The following ADA2 variants were observed in gnomAD, a reference collection of about 807,000 sequenced individuals.
ADA2 encodes adenosine deaminase CECR1.
Under a neutral mutation model 44.2 loss-of-function variants are expected in ADA2, and 29 were observed. The observed-to-expected ratio is 0.66, with a 90% CI of 0.49 to 0.89. The LOEUF (loss-of-function observed/expected upper bound fraction) is 0.89, where lower values mean the gene tolerates loss of function less well. ADA2 is among the 40% of genes least tolerant of loss of function. ADA2 has a pLI of 0.00. For missense variants in ADA2, 637 were observed against 644.8 expected, an observed-to-expected ratio of 0.99 and a Z score of 0.13; for synonymous variants, 215 against 234.9, an observed-to-expected ratio of 0.92 and a Z score of 0.77.
rs111261757 is a variant in ADA2 at position 17,182,978 on chromosome 22, T to C, written c.1082-217A>G. ...TGATATGGCTTTATTAAATTAATCA[T>C]CTAATTTATTAATTTATCATTCTAA... On this transcript the variant is annotated intron_variant, in intron 7 of 9. Coordinates refer to ENST00000399837, the MANE Select transcript of ADA2 (RefSeq NM_001282225.2). Among the ~76,000 whole-genome samples, 313 of 152,350 alleles carry C rather than the reference T, an allele frequency of 2.1e-3. 3 individuals are homozygous for C. The highest frequency in any genetic ancestry group is 7.2e-3 in the African/African-American group (298 of 41,576).
rs192542909 is a variant in ADA2 at position 17,186,126 on chromosome 22, C to T, written c.1081+2213G>A. ...GGGCAGGGCAGGGTTTCCTCTCCTA[C>T]GATAATGCGGGACAGAACATCCTAA... On this transcript the variant is annotated intron_variant, in intron 7 of 9. Coordinates refer to ENST00000399837, the MANE Select transcript of ADA2 (RefSeq NM_001282225.2). 2.1e-3 allele frequency among the ~76,000 whole-genome samples: 313 copies of T among 152,278 alleles called. 2 individuals are homozygous for T. The highest frequency in any genetic ancestry group is 7.2e-3 in the African/African-American group (298 of 41,558).
intron 1 of ADA2, among the ~76,000 whole-genome samples, chr22:17,215,920 C>A (rs546643420): frequency 1.3e-5 from 2 of 151,978 alleles, no homozygotes; most frequent in East Asian, 1.9e-4. Context: ...GGCAACAAAG[C>A]GAGACCCCCA....
At chr22:17,205,864 T>C (rs536781985) in intron 3 of ADA2, among the ~76,000 whole-genome samples, 1 of 143,558 alleles carries the variant, frequency 7.0e-6, no homozygotes, top group Admixed American at 6.7e-5. Flanking sequence ...TCTAGTGTGC[T>C]GACACAGGAG....
intron 4 of ADA2, among the ~76,000 whole-genome samples, chr22:17,196,965 G>A (rs1266073243): frequency 2.0e-5 from 3 of 152,212 alleles, no homozygotes; most frequent in Non-Finnish European, 4.4e-5. Flanking sequence ...CTGAGGTCAG[G>A]AGTTCAAGAG....
intron 4 of ADA2, among the ~76,000 whole-genome samples, chr22:17,194,283 C>G (rs3788276): frequency 0.066 from 10,080 of 152,208 alleles, 416 homozygotes; most frequent in South Asian, 0.11. Context: ...GCTCTTGCCT[C>G]TGTGGCATCT....
intron 4 of ADA2, among the ~76,000 whole-genome samples, chr22:17,201,982 T>C (rs2062293965): frequency 6.9e-6 from 1 of 144,910 alleles, no homozygotes; most frequent in African/African-American, 2.6e-5. Flanking sequence ...TTTTTTTTTT[T>C]TTTTTTTGAG....
At chr22:17,183,454 C>CTATT (rs1568967612) in intron 7 of ADA2, among the ~76,000 whole-genome samples, 5 of 76,138 alleles carry the variant, frequency 6.6e-5, no homozygotes, top group South Asian at 4.3e-4. Flanking sequence ...TTTTGTGGCA[C>CTATT]TCTTTTTTTT....
chr22:17,201,482 C>T (rs1262733338), intron 4 of ADA2, among the ~76,000 whole-genome samples: 3 of 152,308 alleles, frequency 2.0e-5, no homozygotes, highest in Non-Finnish European at 1.5e-5. Flanking sequence ...GTCCCCAAGG[C>T]ATTTGTGTAT....
At chr22:17,214,948 A>T (rs2062454823) in intron 1 of ADA2, among the ~76,000 whole-genome samples, 2 of 152,152 alleles carry the variant, frequency 1.3e-5, no homozygotes, top group Non-Finnish European at 2.9e-5. Flanking sequence ...GACACATCAC[A>T]CGGAGCCTGT....
intron 3 of ADA2, among the ~76,000 whole-genome samples, chr22:17,205,316 G>A (rs558815699): frequency 6.6e-6 from 1 of 152,114 alleles, no homozygotes; most frequent in Admixed American, 6.6e-5. Context: ...CACCACACCC[G>A]GCCACCAGGC....
Position 17,182,027 on chromosome 22 carries a change from G to T in ADA2, c.1240-5C>A. The T allele has an allele frequency of 1.9e-6, 3 of 1,610,058 alleles. No homozygotes were observed. Among genetic ancestry groups the T allele is most frequent in the Non-Finnish European group, 1.7e-6 (2 of 1,177,096 alleles). ...GTCAGACACCAGTTTCAGCACCTGCGCAATAGGAGGGAAGGGAGAAAGATG... is the reference window on the plus strand; with the variant it reads ...GTCAGACACCAGTTTCAGCACCTGCTCAATAGGAGGGAAGGGAGAAAGATG... On this transcript the variant is annotated splice_polypyrimidine_tract_variant and splice_region_variant and intron_variant, in intron 8 of 9. Transcript: ENST00000399837.
intron 1 of ADA2, among the ~76,000 whole-genome samples, chr22:17,210,106 G>T (rs1175669455): frequency 2.0e-5 from 3 of 151,798 alleles, no homozygotes; most frequent in African/African-American, 7.3e-5. Flanking sequence ...TAGACAGGAT[G>T]GTCACGATCT....
chr22:17,215,542 G>C (rs1030613229), intron 1 of ADA2, among the ~76,000 whole-genome samples: 42 of 151,356 alleles, frequency 2.8e-4, no homozygotes, highest in African/African-American at 9.0e-4. Context: ...GGAGGCGGAG[G>C]TTGCAGTGAG....
chr22:17,188,868 A>AAAAAAAAAATATATATATATATATATAT, intron 6 of ADA2: 6 of 81,182 alleles, frequency 7.4e-5, no homozygotes, highest in Non-Finnish European at 1.1e-4. Context: ...AAGAGCAAAA[A>AAAAAAAAAATATATATATATATATATAT]ATATATATAT....
At chr22:17,188,701 A>G in intron 6 of ADA2, 1 of 256,384 alleles carries the variant, frequency 3.9e-6, no homozygotes. Flanking sequence ...AACACAGTGA[A>G]ACCCCATCTC....
chr22:17,186,246 C>T (rs748365853), intron 7 of ADA2, among the ~76,000 whole-genome samples: 25 of 152,162 alleles, frequency 1.6e-4, no homozygotes, highest in Non-Finnish European at 2.9e-4. Context: ...ACAATTCACT[C>T]GGAGGATGGA....
Position 17,207,244 on chromosome 22 carries a change from C to T in ADA2, c.369G>A (p.Trp123Ter), listed in dbSNP as rs772909795. 9 of 1,613,154 alleles carry T rather than the reference C, an allele frequency of 5.6e-6. No homozygotes were observed. Among genetic ancestry groups the T allele is most frequent in the Non-Finnish European group, 7.6e-6 (9 of 1,179,224 alleles). Residue 123 changes from tryptophan to a stop codon, truncating the protein, a stop_gained, in exon 3 of 10, where the codon TGG becomes TGA. Coordinates refer to ENST00000399837, the MANE Select transcript of ADA2 (RefSeq NM_001282225.2). LOFTEE classifies it high-confidence loss of function. The stretch of plus-strand genomic sequence containing the variant: ...GCCTGTAGGTGACATTCCTCACCAG[C>T]CAGTCCATAGTCACGATGCCAATGT... ...LHDIGIVTMD[W>*]LVRNVTYRPH...
chr22:17,204,987 G>T (rs1366482485), intron 3 of ADA2, among the ~76,000 whole-genome samples: 1 of 150,988 alleles, frequency 6.6e-6, no homozygotes, highest in Non-Finnish European at 1.5e-5. Context: ...TTGAGATGGG[G>T]ATCTCACTAT....
At chr22:17,213,881 T>C (rs1171703040) in intron 1 of ADA2, 7 of 295,964 alleles carry the variant, frequency 2.4e-5, no homozygotes, top group Non-Finnish European at 4.6e-5. Context: ...CTATTAAAAA[T>C]ACAAAAAATT....
Sources: gnomAD v4.1 joint callset for allele counts (sites outside exome capture counted in the v4.1 genomes callset) on GRCh38, gnomAD v4.1.1 for gene constraint, MANE v1.5 for transcripts, NCBI Gene and HGNC (gene_info 2026-07-23, HGNC 2026-07-21) for gene names.